FAAH2: variants seen among roughly 807,000 people sequenced by gnomAD.
FAAH2 encodes the protein fatty-acid amide hydrolase 2.
FAAH2 carries 60 observed loss-of-function variants against 36.9 expected under a neutral mutation model. That is an observed-to-expected ratio of 1.63 (90% CI 1.32 to 2.02). The LOEUF is 2.02. Among genes scored for constraint, FAAH2 ranks in the 30% most tolerant of loss-of-function variants. The pLI, the probability that FAAH2 is intolerant of heterozygous loss-of-function variation, is 0.00. For missense variants in FAAH2, 689 were observed against 397.5 expected, an observed-to-expected ratio of 1.73 and a Z score of -6.23; for synonymous variants, 214 against 143.8, an observed-to-expected ratio of 1.49 and a Z score of -3.49.
At chrX:57,409,420 AT>A (rs2055645951) in intron 7 of FAAH2, among the ~76,000 whole-genome samples, 1 of 110,722 alleles carries the variant, frequency 9.0e-6, no homozygotes, top group African/African-American at 3.3e-5. Context: ...TAGGTCTGTA[AT>A]TTTTTTCCTC....
At chrX:57,176,211 A>T in the FAAH2 span, among the ~76,000 whole-genome samples, 1 of 109,412 alleles carries the variant, frequency 9.1e-6, no homozygotes, top group East Asian at 2.8e-4. Context: ...AACACCTTTG[A>T]TTCTTAGGTT....
chrX:57,437,940 G>A (rs2352861), intron 8 of FAAH2, among the ~76,000 whole-genome samples: 5 of 101,265 alleles, frequency 4.9e-5, no homozygotes, highest in Non-Finnish European at 9.9e-5. Flanking sequence ...TATATACATA[G>A]GTACATGTAT....
the FAAH2 span, among the ~76,000 whole-genome samples, chrX:57,204,642 A>G: frequency 8.9e-6 from 1 of 112,069 alleles, no homozygotes; most frequent in Non-Finnish European, 1.9e-5. Flanking sequence ...TTGTTATCAG[A>G]TCTCTCCACC....
At chrX:57,189,689 C>T in the FAAH2 span, among the ~76,000 whole-genome samples, 4 of 111,421 alleles carry the variant, frequency 3.6e-5, no homozygotes, top group Non-Finnish European at 7.5e-5. Context: ...CACTCCAGAC[C>T]CTATTTGTTT....
chrX:57,190,785 C>T, the FAAH2 span, among the ~76,000 whole-genome samples: 457 of 110,277 alleles, frequency 4.1e-3, 2 homozygotes, highest in African/African-American at 0.014. Flanking sequence ...ATGCAGAAAT[C>T]ACCCACCTTC....
chrX:57,463,112 G>A (rs2056989762), intron 10 of FAAH2, among the ~76,000 whole-genome samples: 1 of 111,223 alleles, frequency 9.0e-6, no homozygotes, highest in African/African-American at 3.3e-5. Context: ...GGACGTGAAG[G>A]ATCTCCTCAA....
At chrX:57,326,435 G>C (rs1442243958) in intron 3 of FAAH2, among the ~76,000 whole-genome samples, 1 of 114,271 alleles carries the variant, frequency 8.8e-6, no homozygotes, top group African/African-American at 3.2e-5. Context: ...TGTTGACAGT[G>C]GGGTGTTAAA....
At chrX:57,482,657 G>C (rs776756254) in intron 10 of FAAH2, among the ~76,000 whole-genome samples, 8 of 107,876 alleles carry the variant, frequency 7.4e-5, no homozygotes, top group Middle Eastern at 4.9e-3. Context: ...GTCTCAATGG[G>C]AGCTGCAGAC....
chrX:57,472,414 C>T (rs1359408115), intron 10 of FAAH2, among the ~76,000 whole-genome samples: 1 of 112,151 alleles, frequency 8.9e-6, no homozygotes, highest in Non-Finnish European at 1.9e-5. Flanking sequence ...ACAACTCCAT[C>T]AACAAGTGTC....
At chrX:57,354,949 A>T (rs1442194784) in intron 5 of FAAH2, among the ~76,000 whole-genome samples, 1 of 110,976 alleles carries the variant, frequency 9.0e-6, no homozygotes, top group Non-Finnish European at 1.9e-5. Context: ...AACAGAGTGT[A>T]CCAAAATGTT....
rs772314050 is a variant in FAAH2, at chrX:57,331,617, A to T, written c.432A>T (p.Gly144=). The part of the protein sequence containing the change: ...FQLQGMPNSS[G]LMNRRDAIAK... ...TTTTAGGAATGCCCAATTCTTCTGG[A>T]CTCATGAACCGTCGTGATGCCATTG... Residue 144 remains glycine (G), a synonymous_variant, in exon 4 of 11, where the codon GGA becomes GGT. Transcript: ENST00000374900. The T allele has an allele frequency of 4.1e-6, 5 of 1,210,150 alleles. No homozygotes were observed. Among genetic ancestry groups the T allele is most frequent in the Non-Finnish European group, 4.5e-6 (4 of 894,445 alleles).
intron 3 of FAAH2, among the ~76,000 whole-genome samples, chrX:57,319,965 T>C (rs1426771003): frequency 2.7e-5 from 3 of 111,925 alleles, no homozygotes; most frequent in African/African-American, 6.5e-5. Flanking sequence ...ACTAGCCATA[T>C]GCAGAAAACT....
In FAAH2 at chrX:57,380,880, G is replaced by A. The variant is rs751433778; in HGVS notation, c.879-32G>A. ...ACTATTAAGGATATCTAAATAATTTGTTGATGTCAGTTTCTTTTTAATCCT... is the reference window on the plus strand; with the variant it reads ...ACTATTAAGGATATCTAAATAATTTATTGATGTCAGTTTCTTTTTAATCCT... On this transcript the variant is annotated intron_variant, in intron 6 of 10. Coordinates refer to ENST00000374900, the MANE Select transcript of FAAH2 (RefSeq NM_174912.4). 9 of 900,045 alleles carry A rather than the reference G, an allele frequency of 1.0e-5. No homozygotes were observed. In the Admixed American group the frequency reaches 2.6e-4, roughly 26 times the overall value. The allele number at this position is 900,045 out of a possible 1,213,427, so 74.2% of individuals were successfully genotyped here. A position where few individuals can be genotyped will look rare whatever the true frequency, so the allele number is the denominator to read the frequency against.
chrX:57,140,357 C>T, the FAAH2 span, among the ~76,000 whole-genome samples: 1 of 101,173 alleles, frequency 9.9e-6, no homozygotes, highest in African/African-American at 3.8e-5. Context: ...TTAGAATTTC[C>T]AGTACTATGT....
the FAAH2 span, among the ~76,000 whole-genome samples, chrX:57,188,004 G>A: frequency 2.7e-5 from 3 of 111,791 alleles, no homozygotes; most frequent in South Asian, 7.5e-4. Context: ...GCCCAACAGG[G>A]ATAATAACCT....
the FAAH2 span, among the ~76,000 whole-genome samples, chrX:57,222,900 G>T: frequency 1.8e-5 from 2 of 111,325 alleles, no homozygotes; most frequent in Non-Finnish European, 3.8e-5. Flanking sequence ...TGGCATGCTG[G>T]CTATGCTATA....
chrX:57,343,602 A>G (rs537398154), intron 5 of FAAH2, among the ~76,000 whole-genome samples: 6 of 111,259 alleles, frequency 5.4e-5, no homozygotes, highest in South Asian at 3.7e-4. Flanking sequence ...TTCTTTCGCT[A>G]TGCTGTAGCT....
chrX:57,178,509 G>A, the FAAH2 span, among the ~76,000 whole-genome samples: 2 of 110,922 alleles, frequency 1.8e-5, no homozygotes, highest in South Asian at 7.8e-4. Flanking sequence ...AGGCCATGGA[G>A]CTCCCCAAAG....
chrX:57,149,768 G>C, the FAAH2 span, among the ~76,000 whole-genome samples: 3 of 110,859 alleles, frequency 2.7e-5, no homozygotes, highest in Non-Finnish European at 5.7e-5. Flanking sequence ...CTTCAGTTCT[G>C]CTCTGATTTT....
Sources: allele counts gnomAD v4.1 joint callset (sites outside exome capture counted in the v4.1 genomes callset), GRCh38; gene constraint gnomAD v4.1.1; transcripts MANE v1.5; gene names NCBI Gene and HGNC (gene_info 2026-07-23, HGNC 2026-07-21).